TRPM3: variants seen among roughly 807,000 people sequenced by gnomAD.
The protein encoded by TRPM3 is long transient receptor potential channel 3.
In TRPM3, 77 loss-of-function variants were observed where a neutral mutation model predicts 181.2. The ratio of observed to expected loss-of-function variants is 0.42; its 90% confidence interval spans 0.35 to 0.51. The LOEUF (loss-of-function observed/expected upper bound fraction) is 0.51. Among genes scored for constraint, TRPM3 ranks in the 20% least tolerant of loss-of-function variants. The probability of loss-of-function intolerance (pLI) is 0.01; values close to 1 mark genes in which losing one functional copy is unlikely to be tolerated. For missense variants in TRPM3, 1,759 were observed against 2,196.7 expected (o/e 0.80, Z 3.98); for synonymous variants, 745 against 796.4 (o/e 0.94, Z 1.09).
chr9:71,404,714 G>T (rs1366952407), intron 1 of TRPM3, among the ~76,000 whole-genome samples: 1 of 152,116 alleles, frequency 6.6e-6, no homozygotes, highest in Non-Finnish European at 1.5e-5. Flanking sequence ...GCTCCCCATT[G>T]CATAGAGAAT....
chr9:70,648,552 A>G (rs1001000974), intron 9 of TRPM3, among the ~76,000 whole-genome samples: 4 of 152,166 alleles, frequency 2.6e-5, no homozygotes, highest in Non-Finnish European at 4.4e-5. Flanking sequence ...AAGCAAAAAG[A>G]ATAAAGCTGG....
At chr9:70,691,106 A>C (rs761004380) in intron 8 of TRPM3, among the ~76,000 whole-genome samples, 2 of 152,194 alleles carry the variant, frequency 1.3e-5, no homozygotes, top group Non-Finnish European at 2.9e-5. Flanking sequence ...TGAAATGCAA[A>C]ATTTCTACTA....
intron 1 of TRPM3, among the ~76,000 whole-genome samples, chr9:71,365,702 G>A (rs2092312982): frequency 6.6e-6 from 1 of 152,098 alleles, no homozygotes; most frequent in Admixed American, 6.6e-5. Context: ...AACAAGCCTG[G>A]ATTATTGTCC....
At chr9:70,902,318 G>A (rs1470021464) in intron 1 of TRPM3, among the ~76,000 whole-genome samples, 1 of 152,162 alleles carries the variant, frequency 6.6e-6, no homozygotes, top group Non-Finnish European at 1.5e-5. Flanking sequence ...CAAAGCTGAG[G>A]TTATGCTTGA....
At chr9:70,619,939 T>C (rs968466916) in intron 16 of TRPM3, 137 bp downstream of exon 16, 7 of 783,004 alleles carry the variant, frequency 8.9e-6, no homozygotes, top group African/African-American at 7.0e-5. Flanking sequence ...GGGGAATTGT[T>C]TGTGTCCATC....
At chr9:71,315,650 G>A (rs927688026) in intron 1 of TRPM3, among the ~76,000 whole-genome samples, 9 of 151,894 alleles carry the variant, frequency 5.9e-5, no homozygotes, top group Non-Finnish European at 1.2e-4. Flanking sequence ...ATCAATTTAA[G>A]AAAAATACAG....
intron 1 of TRPM3, among the ~76,000 whole-genome samples, chr9:70,922,837 G>A (rs1189506997): frequency 6.6e-6 from 1 of 152,146 alleles, no homozygotes; most frequent in Non-Finnish European, 1.5e-5. Flanking sequence ...TCTCCAAAGA[G>A]GTTATTTTTC....
intron 15 of TRPM3, among the ~76,000 whole-genome samples, chr9:70,620,875 T>TTTGA (rs1303582740): frequency 4.0e-5 from 6 of 151,886 alleles, no homozygotes; most frequent in African/African-American, 1.4e-4. Flanking sequence ...ATGAATAGAT[T>TTTGA]TTGATTACTA....
intron 1 of TRPM3, among the ~76,000 whole-genome samples, chr9:71,242,661 A>G (rs1022942332): frequency 2.0e-5 from 3 of 152,176 alleles, no homozygotes; most frequent in African/African-American, 4.8e-5. Flanking sequence ...TACCACCATT[A>G]CTATCATCAT....
chr9:70,773,981 C>A (rs1308028367), intron 7 of TRPM3: 1 of 152,168 alleles, frequency 6.6e-6, no homozygotes, highest in South Asian at 2.1e-4. Flanking sequence ...AAATTCATGG[C>A]ATGTTGACTC....
Position 71,076,509 on chromosome 9 carries a change from T to G in TRPM3, c.177+44669A>C, listed in dbSNP as rs139868822. 2.6e-3 allele frequency among the ~76,000 whole-genome samples: 390 copies of G among 152,296 alleles called. 4 individuals carry two copies. Among genetic ancestry groups the G allele is most frequent in the African/African-American group, 8.8e-3 (367 of 41,568 alleles). ...CCAGGAATATACCTCTGCCAGTCAC[T>G]GAAGATCAGTGTTCTGCTGCTGTTA... On this transcript the variant is annotated intron_variant, in intron 1 of 25. Coordinates refer to ENST00000677713, the MANE Select transcript of TRPM3 (RefSeq NM_001366145.2).
intron 1 of TRPM3, among the ~76,000 whole-genome samples, chr9:70,926,260 A>G (rs1009057991): frequency 1.3e-5 from 2 of 152,140 alleles, no homozygotes; most frequent in African/African-American, 4.8e-5. Context: ...TTCAGAGCAA[A>G]GTGTCCCCCA....
At chr9:70,912,619 A>C (rs1248228263) in intron 1 of TRPM3, among the ~76,000 whole-genome samples, 1 of 152,214 alleles carries the variant, frequency 6.6e-6, no homozygotes, top group Non-Finnish European at 1.5e-5. Context: ...TATTTAGGAA[A>C]GGAGCAGCCT....
At chr9:70,812,661 C>T (rs934064702) in intron 6 of TRPM3, among the ~76,000 whole-genome samples, 1 of 152,152 alleles carries the variant, frequency 6.6e-6, no homozygotes, top group African/African-American at 2.4e-5. Context: ...ACCACAAACC[C>T]TCCTGGAAAT....
Position 70,757,254 on chromosome 9 carries a change from G to A in TRPM3, c.1272+4347C>T, listed in dbSNP as rs925276820. ...TATAGAAGAAATGGATAAATTCCTG[G>A]ACACATACGCCCTCCCAAGACTAAA... On this transcript the variant is annotated intron_variant, in intron 8 of 25. Transcript: ENST00000677713. 4.6e-5 allele frequency among the ~76,000 whole-genome samples: 7 copies of A among 152,186 alleles called. No individual in the cohort carries two copies. The East Asian group carries it at 1.2e-3, about 25-fold the overall frequency.
At chr9:71,429,776 T>C (rs1203704237) in intron 1 of TRPM3, among the ~76,000 whole-genome samples, 3 of 152,080 alleles carry the variant, frequency 2.0e-5, no homozygotes. Flanking sequence ...AGGTTTGGAG[T>C]CAGACCTGGG....
At chr9:70,772,206 A>G (rs541309219) in intron 7 of TRPM3, among the ~76,000 whole-genome samples, 1 of 152,354 alleles carries the variant, frequency 6.6e-6, no homozygotes, top group East Asian at 1.9e-4. Context: ...TAATTATAAT[A>G]CAATGAAATG....
At chr9:71,054,766 A>C (rs2060469367) in intron 1 of TRPM3, among the ~76,000 whole-genome samples, 1 of 152,098 alleles carries the variant, frequency 6.6e-6, no homozygotes. Flanking sequence ...CTGAAGGGGC[A>C]GGATTGGGGC....
At chr9:71,009,821 T>C (rs769683663) in intron 1 of TRPM3, among the ~76,000 whole-genome samples, 11 of 152,104 alleles carry the variant, frequency 7.2e-5, no homozygotes, top group Non-Finnish European at 1.6e-4. Context: ...TTACCTTTCT[T>C]CCAAATACAT....
Sources: gnomAD v4.1 joint callset for allele counts (sites outside exome capture counted in the v4.1 genomes callset) on GRCh38, gnomAD v4.1.1 for gene constraint, MANE v1.5 for transcripts, NCBI Gene and HGNC (gene_info 2026-07-23, HGNC 2026-07-21) for gene names.